Variants in MEGF6 observed in about 807,000 individuals in gnomAD.
MEGF6 encodes multiple epidermal growth factor-like domains protein 6.
A neutral mutation model predicts 207.1 loss-of-function variants in MEGF6; 184 were observed. The ratio of observed to expected loss-of-function variants is 0.89; its 90% confidence interval spans 0.79 to 1.00. The LOEUF (loss-of-function observed/expected upper bound fraction) is 1.00. Ranked by LOEUF, MEGF6 falls within the 50% of genes least tolerant of loss-of-function variation. The pLI is 0.00. For missense variants in MEGF6, 2,282 were observed against 2,202.9 expected (o/e 1.04, Z -0.72); for synonymous variants, 1,038 against 910.0 (o/e 1.14, Z -2.53).
upstream of MEGF6, among the ~76,000 whole-genome samples, chr1:3,613,424 A>T (rs1227686029): frequency 6.6e-6 from 1 of 152,108 alleles, no homozygotes; most frequent in Non-Finnish European, 1.5e-5. Context: ...TTTACATCTG[A>T]TTCCTGCTCT....
intron 3 of MEGF6, among the ~76,000 whole-genome samples, chr1:3,589,694 T>C (rs75786223): frequency 0.013 from 1,917 of 152,354 alleles, 23 homozygotes; most frequent in Non-Finnish European, 0.019. Context: ...TGCTACCCTC[T>C]GGGTCCTGAG....
chr1:3,601,028 T>C (rs1253563318), intron 2 of MEGF6, among the ~76,000 whole-genome samples: 1 of 152,036 alleles, frequency 6.6e-6, no homozygotes, highest in Non-Finnish European at 1.5e-5. Flanking sequence ...CCCCTGCCAG[T>C]GCCCCCCCCT....
At chr1:3,494,319 T>G in intron 32 of MEGF6, 52 bp downstream of exon 32, 1 of 1,512,248 alleles carries the variant, frequency 6.6e-7, no homozygotes, top group East Asian at 2.5e-5. Context: ...ACGGGAGGAG[T>G]GGACAGTGGC....
rs997097260 is a variant in MEGF6 at position 3,495,930 on chromosome 1, G to A, written c.3831C>T (p.Cys1277=). The A allele has an allele frequency of 6.9e-6, 11 of 1,596,272 alleles. No homozygotes were observed. In the African/African-American group the frequency reaches 1.2e-4, roughly 17 times the overall value. Residue 1277 remains cysteine (C), a synonymous_variant, in exon 30 of 37, where the codon TGC becomes TGT. Transcript: ENST00000356575. ...GAACDPVTGT[C]LCPPGRAGVR... ...CGCCGGCTCTCCCCGGGGGGCAGAG[G>A]CAGGTGCCGGTCACAGGGTCGCAGG...
At chr1:3,595,479 C>T (rs1318793861) in intron 2 of MEGF6, 32 bp from the exon 3 acceptor site, 11 of 1,568,026 alleles carry the variant, frequency 7.0e-6, no homozygotes, top group Middle Eastern at 1.7e-4. Flanking sequence ...AAGTGCTTAC[C>T]GTCGCGGGAC....
At chr1:3,535,261 C>T (rs773238046) in intron 4 of MEGF6, among the ~76,000 whole-genome samples, 7 of 152,272 alleles carry the variant, frequency 4.6e-5, no homozygotes, top group Non-Finnish European at 7.4e-5. Flanking sequence ...GCTGTCACAG[C>T]GCAGCGAGGC....
intron 3 of MEGF6, among the ~76,000 whole-genome samples, chr1:3,589,806 T>C (rs1455058315): frequency 2.0e-5 from 3 of 152,232 alleles, no homozygotes; most frequent in Admixed American, 1.3e-4. Context: ...ACTTTGTGGC[T>C]TCTTTATTTT....
chr1:3,507,967 G>T (rs551320122), intron 13 of MEGF6, 44 bp from the exon 14 acceptor site: 6 of 1,587,348 alleles, frequency 3.8e-6, no homozygotes, highest in South Asian at 1.1e-5. Context: ...CAGCCAGCAC[G>T]ACACTCTGAG....
At chr1:3,525,077 G>A (rs1344270802) in intron 4 of MEGF6, among the ~76,000 whole-genome samples, 1 of 152,170 alleles carries the variant, frequency 6.6e-6, no homozygotes. Context: ...GTTTGTTCCA[G>A]CAGCCCTGGG....
chr1:3,591,287 GA>G (rs1643973041), intron 3 of MEGF6, among the ~76,000 whole-genome samples: 1 of 152,188 alleles, frequency 6.6e-6, no homozygotes, highest in African/African-American at 2.4e-5. Context: ...AGATATCCCA[GA>G]ACCACCGAGC....
rs983609889 is a variant in MEGF6 at position 3,611,496 on chromosome 1, C to G, written c.-228G>C. 4 of 501,134 alleles carry G rather than the reference C, an allele frequency of 8.0e-6. No homozygotes were observed. The highest frequency in any genetic ancestry group is 1.3e-5 in the Non-Finnish European group (4 of 310,976). 31.0% of individuals were successfully genotyped at this position (501,134 alleles called of 1,614,324 possible). A position where few individuals can be genotyped will look rare whatever the true frequency, so the allele number is the denominator to read the frequency against. On this transcript the variant is annotated 5_prime_UTR_variant, in exon 1 of 37. Transcript: ENST00000356575. ...CACCCTGCAGGAACTCGCCCCGGCGCGTTGAGCACAGTGCCCCGGACTCAG... is the reference window on the plus strand; with the variant it reads ...CACCCTGCAGGAACTCGCCCCGGCGGGTTGAGCACAGTGCCCCGGACTCAG...
At chr1:3,572,284 CTCCTGGGTGTGCTGGGTCCT>C (rs1643523897) in intron 4 of MEGF6, among the ~76,000 whole-genome samples, 1 of 128,778 alleles carries the variant, frequency 7.8e-6, no homozygotes, top group African/African-American at 3.0e-5. Context: ...GTGCTGGGTC[CTCCTGGGTGTGCTGGGTCCT>C]TCCTGGGTGT....
chr1:3,570,102 C>A lies in MEGF6; in HGVS notation c.481+9723G>T, dbSNP rs563224335. On this transcript the variant is annotated intron_variant, in intron 4 of 36. Coordinates refer to ENST00000356575, the MANE Select transcript of MEGF6 (RefSeq NM_001409.4). Reference sequence around the variant, plus strand: ...ATTCTGCAGGCGGTCTCAGTCTCCCCAGCTGTCCTGTCGAGGAGGTGGCCC... The same window carrying A: ...ATTCTGCAGGCGGTCTCAGTCTCCCAAGCTGTCCTGTCGAGGAGGTGGCCC... 9.2e-5 allele frequency among the ~76,000 whole-genome samples: 14 copies of A among 152,330 alleles called. 1 individual carries two copies. Among genetic ancestry groups the A allele is most frequent in the African/African-American group, 3.1e-4 (13 of 41,568 alleles).
Position 3,545,906 on chromosome 1 carries a change from C to T in MEGF6, c.482-21660G>A, listed in dbSNP as rs1028801557. Among the ~76,000 whole-genome samples, 76 of 152,324 alleles carry T rather than the reference C, an allele frequency of 5.0e-4. 1 individual carries two copies. Among genetic ancestry groups the T allele is most frequent in the African/African-American group, 1.8e-3 (75 of 41,586 alleles). ...CATCCCAGACAGAGCAGATGCCCCT[C>T]CCACCTCCCCTGACCCCAAGTCCAG... On this transcript the variant is annotated intron_variant, in intron 4 of 36. Coordinates refer to ENST00000356575, the MANE Select transcript of MEGF6 (RefSeq NM_001409.4).
At position 3,538,451 on chromosome 1, in the gene MEGF6, T is replaced by C. The variant is rs1435349911; in HGVS notation, c.482-14205A>G. 2.0e-5 allele frequency among the ~76,000 whole-genome samples: 3 copies of C among 152,104 alleles called. No individual in the cohort carries two copies. In the East Asian group the frequency reaches 5.8e-4, roughly 29 times the overall value. On this transcript the variant is annotated intron_variant, in intron 4 of 36. Coordinates refer to ENST00000356575, the MANE Select transcript of MEGF6 (RefSeq NM_001409.4). Reference sequence around the variant, plus strand: ...CTCGCCCAAGCCAAAGGAAGGAAAATTGAAACCACCGCTGTTTCCGCGAGC... The same window carrying C: ...CTCGCCCAAGCCAAAGGAAGGAAAACTGAAACCACCGCTGTTTCCGCGAGC...
At chr1:3,566,666 C>T (rs1375127973) in intron 4 of MEGF6, among the ~76,000 whole-genome samples, 4 of 152,224 alleles carry the variant, frequency 2.6e-5, no homozygotes, top group South Asian at 2.1e-4. Context: ...ATGAGCCCCC[C>T]GGCGCCCCAT....
At chr1:3,514,463 G>A (rs1570016105) in intron 7 of MEGF6, 87 bp downstream of exon 7, 5 of 1,457,606 alleles carry the variant, frequency 3.4e-6, no homozygotes, top group Middle Eastern at 1.9e-4. Context: ...GGAGGCCACG[G>A]CCCCAGAGTT....
At chr1:3,498,089 C>G (rs1422577425) in intron 26 of MEGF6, among the ~76,000 whole-genome samples, 1 of 152,126 alleles carries the variant, frequency 6.6e-6, no homozygotes, top group African/African-American at 2.4e-5. Flanking sequence ...ACAGGAACGG[C>G]CCCCTGAGCC....
In MEGF6 at chr1:3,488,568, A is replaced by G. The variant is rs972870442; in HGVS notation, c.*1960T>C. ...TAAAATCAGGCTTTTCTGTAGAAAA[A>G]TGGCCGAGGCCTTGAAGGCCTAAGA... On this transcript the variant is annotated 3_prime_UTR_variant, in exon 37 of 37. Transcript: ENST00000356575. 1.3e-5 allele frequency among the ~76,000 whole-genome samples: 2 copies of G among 152,248 alleles called. No homozygotes were observed. The highest frequency in any genetic ancestry group is 1.9e-4 in the East Asian group (1 of 5,200).
Sources: gnomAD v4.1 joint callset for allele counts (sites outside exome capture counted in the v4.1 genomes callset) on GRCh38, gnomAD v4.1.1 for gene constraint, MANE v1.5 for transcripts, NCBI Gene and HGNC (gene_info 2026-07-23, HGNC 2026-07-21) for gene names.